The following PTPRT variants were observed in gnomAD, a reference collection of about 807,000 sequenced individuals.
PTPRT encodes the protein protein tyrosine phosphatase receptor type T, also known as receptor-type tyrosine-protein phosphatase T.
Under a neutral mutation model 176.8 loss-of-function variants are expected in PTPRT, and 56 were observed. The ratio of observed to expected loss-of-function variants is 0.32; its 90% CI spans 0.26 to 0.40. The LOEUF is 0.40. PTPRT is among the 10% of genes least tolerant of loss of function. The probability of loss-of-function intolerance (pLI) is 1.00; values close to 1 mark genes in which losing one functional copy is unlikely to be tolerated. For missense variants in PTPRT, 1,540 were observed against 1,908.2 expected, an observed-to-expected ratio of 0.81 and a Z score of 3.60; for synonymous variants, 783 against 739.0, an observed-to-expected ratio of 1.06 and a Z score of -0.96.
chr20:42,677,061 A>T (rs944486371), intron 7 of PTPRT, among the ~76,000 whole-genome samples: 2 of 152,214 alleles, frequency 1.3e-5, no homozygotes, highest in Non-Finnish European at 2.9e-5. Flanking sequence ...GAATAGTCCC[A>T]ACCCAGACTC....
intron 6 of PTPRT, among the ~76,000 whole-genome samples, chr20:42,713,817 A>C (rs539359565): frequency 8.7e-4 from 132 of 152,180 alleles, no homozygotes; most frequent in African/African-American, 3.0e-3. Flanking sequence ...AAAAGTGCAT[A>C]GCACCTCCCC....
chr20:42,240,909 C>T (rs1191798597), intron 14 of PTPRT, among the ~76,000 whole-genome samples: 3 of 152,202 alleles, frequency 2.0e-5, no homozygotes, highest in Non-Finnish European at 4.4e-5. Flanking sequence ...ATGATAATAG[C>T]TGTCACTTAA....
intron 23 of PTPRT, among the ~76,000 whole-genome samples, chr20:42,110,129 C>T (rs140022186): frequency 1.2e-4 from 18 of 151,704 alleles, no homozygotes; most frequent in African/African-American, 4.4e-4. Context: ...TCACTGCAAC[C>T]TCCCGCTCCT....
At chr20:42,634,867 T>C (rs1420186406) in intron 7 of PTPRT, among the ~76,000 whole-genome samples, 1 of 152,112 alleles carries the variant, frequency 6.6e-6, no homozygotes. Flanking sequence ...ATACCTCAAT[T>C]TGATTATAAA....
At chr20:42,845,613 C>A (rs2078357126) in intron 2 of PTPRT, among the ~76,000 whole-genome samples, 1 of 152,156 alleles carries the variant, frequency 6.6e-6, no homozygotes, top group South Asian at 2.1e-4. Context: ...GTCACACAGC[C>A]CACCTGCTGC....
chr20:43,096,381 T>A (rs1262542476), intron 1 of PTPRT, among the ~76,000 whole-genome samples: 1 of 152,182 alleles, frequency 6.6e-6, no homozygotes, highest in Non-Finnish European at 1.5e-5. Flanking sequence ...GAGCCCAGCA[T>A]GTGAGGAAGG....
At chr20:42,690,718 G>C (rs1005176296) in intron 6 of PTPRT, among the ~76,000 whole-genome samples, 1 of 152,170 alleles carries the variant, frequency 6.6e-6, no homozygotes, top group African/African-American at 2.4e-5. Flanking sequence ...AAAGGGAAGT[G>C]AGGTGTACTG....
intron 15 of PTPRT, among the ~76,000 whole-genome samples, chr20:42,226,634 A>T (rs2056018072): frequency 6.6e-6 from 1 of 152,206 alleles, no homozygotes; most frequent in African/African-American, 2.4e-5. Context: ...TCTTTGCTAC[A>T]GCTCTAGCTG....
At chr20:42,337,354 A>C (rs779046160) in intron 11 of PTPRT, among the ~76,000 whole-genome samples, 2 of 152,214 alleles carry the variant, frequency 1.3e-5, no homozygotes, top group Non-Finnish European at 2.9e-5. Context: ...AGAACCTACA[A>C]GAGCTACAGG....
chr20:42,789,058 G>A (rs1186485950), intron 3 of PTPRT, among the ~76,000 whole-genome samples: 1 of 152,168 alleles, frequency 6.6e-6, no homozygotes, highest in Non-Finnish European at 1.5e-5. Context: ...GGAACAACTT[G>A]TGTATATGTA....
At chr20:42,259,491 CT>C (rs1436465778) in intron 13 of PTPRT, among the ~76,000 whole-genome samples, 1 of 152,214 alleles carries the variant, frequency 6.6e-6, no homozygotes, top group African/African-American at 2.4e-5. Context: ...ACCTCAACTA[CT>C]TTCTGTTGTG....
At chr20:42,123,319 A>G (rs1237109757) in intron 19 of PTPRT, among the ~76,000 whole-genome samples, 2 of 152,244 alleles carry the variant, frequency 1.3e-5, no homozygotes, top group Admixed American at 1.3e-4. Context: ...ATTTGTTTGC[A>G]CAGTTATTCA....
chr20:42,999,635 G>GTT (rs1555815051), intron 1 of PTPRT, among the ~76,000 whole-genome samples: 1 of 150,526 alleles, frequency 6.6e-6, no homozygotes, highest in Non-Finnish European at 1.5e-5. Flanking sequence ...TTGTTGTTGT[G>GTT]GTGGTTGTTG....
chr20:42,493,507 G>A (rs2071597722), intron 7 of PTPRT, among the ~76,000 whole-genome samples: 1 of 151,890 alleles, frequency 6.6e-6, no homozygotes, highest in African/African-American at 2.4e-5. Context: ...CTATAAAGTA[G>A]GTGTTGAAAA....
At chr20:42,439,688 T>C (rs922470627) in intron 9 of PTPRT, among the ~76,000 whole-genome samples, 3 of 152,152 alleles carry the variant, frequency 2.0e-5, no homozygotes, top group Non-Finnish European at 2.9e-5. Context: ...ATTCAATTCA[T>C]GCAATGCTTC....
At chr20:43,065,299 G>A (rs562865056) in intron 1 of PTPRT, among the ~76,000 whole-genome samples, 7 of 152,262 alleles carry the variant, frequency 4.6e-5, no homozygotes, top group South Asian at 4.2e-4. Context: ...AGAGTCTTCC[G>A]TAGTCAAGGG....
At chr20:42,429,324 C>A (rs945262940) in intron 9 of PTPRT, among the ~76,000 whole-genome samples, 1 of 152,072 alleles carries the variant, frequency 6.6e-6, no homozygotes, top group Non-Finnish European at 1.5e-5. Flanking sequence ...ACCCTGTGAG[C>A]CGGTTGAGAG....
At chr20:42,396,922 C>G (rs371282833) in intron 9 of PTPRT, among the ~76,000 whole-genome samples, 1 of 152,214 alleles carries the variant, frequency 6.6e-6, no homozygotes, top group Non-Finnish European at 1.5e-5. Flanking sequence ...TGCCTTCCCT[C>G]AGGTCTCTGT....
At chr20:42,892,732 C>T (rs1375668782) in intron 1 of PTPRT, among the ~76,000 whole-genome samples, 2 of 152,188 alleles carry the variant, frequency 1.3e-5, no homozygotes, top group Admixed American at 6.5e-5. Flanking sequence ...GACGTCAGCA[C>T]TGGGGACCCT....
Sources: gnomAD v4.1 joint callset for allele counts (sites outside exome capture counted in the v4.1 genomes callset) on GRCh38, gnomAD v4.1.1 for gene constraint, MANE v1.5 for transcripts, NCBI Gene and HGNC (gene_info 2026-07-23, HGNC 2026-07-21) for gene names.